The following C8orf34 variants were observed in gnomAD, a reference collection of about 807,000 sequenced individuals.
C8orf34 encodes uncharacterized protein C8orf34.
In C8orf34, 65 loss-of-function variants were observed where a neutral mutation model predicts 68.3. The ratio of observed to expected loss-of-function variants is 0.95; its 90% confidence interval spans 0.78 to 1.17. The LOEUF (loss-of-function observed/expected upper bound fraction) is 1.17. Ranked by LOEUF, C8orf34 falls within the 50% of genes most tolerant of loss-of-function variation. The probability of loss-of-function intolerance (pLI) is 0.00; values close to 1 mark genes in which losing one functional copy is unlikely to be tolerated. For synonymous variants in C8orf34, 244 were observed against 241.2 expected, an observed-to-expected ratio of 1.01 and a Z score of -0.11; for missense variants, 664 against 655.4, an observed-to-expected ratio of 1.01 and a Z score of -0.14.
chr8:68,694,759 T>C (rs1467016983), intron 8 of C8orf34, among the ~76,000 whole-genome samples: 1 of 152,096 alleles, frequency 6.6e-6, no homozygotes, highest in Non-Finnish European at 1.5e-5. Context: ...TGGATCTCCC[T>C]GGTTCACTTT....
At chr8:68,485,396 A>G (rs1389455959) in intron 4 of C8orf34, among the ~76,000 whole-genome samples, 1 of 152,112 alleles carries the variant, frequency 6.6e-6, no homozygotes, top group East Asian at 1.9e-4. Context: ...GCCCGAGAGC[A>G]TGATGCAGGA....
intron 7 of C8orf34, among the ~76,000 whole-genome samples, chr8:68,543,548 A>G (rs998716267): frequency 3.9e-5 from 6 of 152,162 alleles, no homozygotes; most frequent in African/African-American, 1.2e-4. Context: ...ACAAACATAC[A>G]GTGGATCAGG....
intron 8 of C8orf34, among the ~76,000 whole-genome samples, chr8:68,660,559 T>C (rs530259059): frequency 1.3e-5 from 2 of 152,236 alleles, no homozygotes; most frequent in Admixed American, 6.5e-5. Flanking sequence ...ACCCACGTAA[T>C]GGGGGGAGGG....
At chr8:68,688,889 C>A (rs1351160503) in intron 8 of C8orf34, among the ~76,000 whole-genome samples, 1 of 151,936 alleles carries the variant, frequency 6.6e-6, no homozygotes, top group African/African-American at 2.4e-5. Context: ...GGGCTTAATA[C>A]CTACGTGATG....
At chr8:68,809,505 C>CGTG (rs1824583096) in intron 12 of C8orf34, among the ~76,000 whole-genome samples, 1 of 106,750 alleles carries the variant, frequency 9.4e-6, no homozygotes, top group Admixed American at 8.0e-5. Context: ...TGGAGCCAGC[C>CGTG]ATGGTGCATG....
intron 8 of C8orf34, among the ~76,000 whole-genome samples, chr8:68,690,978 C>T (rs1204450148): frequency 6.6e-6 from 1 of 152,012 alleles, no homozygotes; most frequent in Non-Finnish European, 1.5e-5. Context: ...GAACATCTTC[C>T]ATATGGAAGT....
At chr8:68,462,008 G>A (rs1229838772) in intron 3 of C8orf34, among the ~76,000 whole-genome samples, 1 of 152,158 alleles carries the variant, frequency 6.6e-6, no homozygotes, top group African/African-American at 2.4e-5. Context: ...ATTGGATAAA[G>A]AGTCAAGACC....
intron 5 of C8orf34, among the ~76,000 whole-genome samples, chr8:68,493,123 A>G (rs1228106636): frequency 6.6e-6 from 1 of 152,246 alleles, no homozygotes; most frequent in East Asian, 1.9e-4. Flanking sequence ...ATGGAGGATC[A>G]CTATAACCTC....
chr8:68,610,360 A>G (rs1817980618), intron 7 of C8orf34, among the ~76,000 whole-genome samples: 1 of 152,192 alleles, frequency 6.6e-6, no homozygotes. Flanking sequence ...ACACTTCTAT[A>G]TAAACAGTGG....
At chr8:68,402,958 C>T (rs1809022195) in intron 1 of C8orf34, among the ~76,000 whole-genome samples, 1 of 152,130 alleles carries the variant, frequency 6.6e-6, no homozygotes, top group Non-Finnish European at 1.5e-5. Context: ...CCCATGCATC[C>T]CAGTGACTGT....
intron 1 of C8orf34, among the ~76,000 whole-genome samples, chr8:68,337,846 C>T (rs961843798): frequency 5.9e-5 from 9 of 152,112 alleles, no homozygotes; most frequent in Admixed American, 5.2e-4. Context: ...TATGCATTTT[C>T]CTCTTCTCCC....
chr8:68,584,447 A>AAG (rs1817150031), intron 7 of C8orf34, among the ~76,000 whole-genome samples: 1 of 152,212 alleles, frequency 6.6e-6, no homozygotes, highest in African/African-American at 2.4e-5. Context: ...TTTCTACGGA[A>AAG]ATCCGTCTTG....
At chr8:68,503,363 A>G (rs1813860232) in intron 5 of C8orf34, among the ~76,000 whole-genome samples, 1 of 152,166 alleles carries the variant, frequency 6.6e-6, no homozygotes, top group South Asian at 2.1e-4. Context: ...TGGGCAAGGA[A>G]GGGGGAATGT....
intron 8 of C8orf34, among the ~76,000 whole-genome samples, chr8:68,646,873 A>G (rs935280807): frequency 6.6e-5 from 10 of 152,178 alleles, no homozygotes; most frequent in Non-Finnish European, 1.3e-4. Flanking sequence ...CCAATGATGG[A>G]CACCTGCAGT....
At chr8:68,397,015 CT>C (rs984686360) in intron 1 of C8orf34, among the ~76,000 whole-genome samples, 5 of 150,914 alleles carry the variant, frequency 3.3e-5, no homozygotes, top group Admixed American at 6.6e-5. Flanking sequence ...TATTTATTTT[CT>C]TTTTTTTTGA....
intron 7 of C8orf34, among the ~76,000 whole-genome samples, chr8:68,602,406 G>A (rs570633531): frequency 2.6e-5 from 4 of 152,246 alleles, no homozygotes; most frequent in African/African-American, 4.8e-5. Context: ...ATGGTAGAAA[G>A]GGAAGCAAAC....
At chr8:68,721,561 GT>G (rs1821678686) in intron 10 of C8orf34, 124 bp downstream of exon 10, 1 of 640,864 alleles carries the variant, frequency 1.6e-6, no homozygotes, top group Non-Finnish European at 2.7e-6. Context: ...GTTCTAAGTT[GT>G]TTCAACAGTT....
intron 1 of C8orf34, among the ~76,000 whole-genome samples, chr8:68,396,460 A>G (rs73260728): frequency 0.042 from 6,317 of 151,814 alleles, 211 homozygotes; most frequent in African/African-American, 0.091. Context: ...GCTCTACCAC[A>G]TCATTTTGAA....
In C8orf34 at chr8:68,604,993, C is replaced by A. The variant is rs745607450; in HGVS notation, c.1106-35383C>A. Among the ~76,000 whole-genome samples the A allele has an allele frequency of 2.0e-5, 3 of 152,006 alleles. No homozygotes were observed. The East Asian group carries it at 5.8e-4, about 29-fold the overall frequency. Reference sequence around the variant, plus strand: ...ACTATCATCCAAAATATATAAAGAACCCTTAAAATTCAACAATAAGAAAAC... The same window carrying A: ...ACTATCATCCAAAATATATAAAGAAACCTTAAAATTCAACAATAAGAAAAC... On this transcript the variant is annotated intron_variant, in intron 7 of 13. Transcript: ENST00000518698.
Sources: gnomAD v4.1 joint callset for allele counts (sites outside exome capture counted in the v4.1 genomes callset) on GRCh38, gnomAD v4.1.1 for gene constraint, MANE v1.5 for transcripts, NCBI Gene and HGNC (gene_info 2026-07-23, HGNC 2026-07-21) for gene names.